Variants in GALNT8 observed in about 807,000 individuals in gnomAD.
GALNT8 encodes the protein probable polypeptide N-acetylgalactosaminyltransferase 8.
In GALNT8, 66 loss-of-function variants were observed where a neutral mutation model predicts 62.7. That is an observed-to-expected ratio of 1.05 (90% CI 0.86 to 1.29). The LOEUF (loss-of-function observed/expected upper bound fraction) is 1.29. GALNT8 is among the 50% of genes most tolerant of loss of function. GALNT8 has a pLI of 0.00. For synonymous variants in GALNT8, 288 were observed against 294.3 expected (o/e 0.98, Z 0.22); for missense variants, 771 against 791.8 (o/e 0.97, Z 0.32).
At chr12:4,720,967 G>C in intron 1 of GALNT8, 79 bp downstream of exon 1, 3 of 828,532 alleles carry the variant, frequency 3.6e-6, no homozygotes, top group Non-Finnish European at 6.2e-6. Context: ...GGATATGGAA[G>C]GAAAAATGGG....
chr12:4,746,104 CT>C (rs1386921028), intron 5 of GALNT8, 39 bp from the exon 6 acceptor site: 1 of 1,204,078 alleles, frequency 8.3e-7, no homozygotes, highest in South Asian at 1.2e-5. Context: ...GCCTCCGCTC[CT>C]TATGGAGAGA....
intron 6 of GALNT8, among the ~76,000 whole-genome samples, chr12:4,753,896 G>A (rs1946332809): frequency 6.6e-6 from 1 of 152,174 alleles, no homozygotes; most frequent in Non-Finnish European, 1.5e-5. Context: ...GCTTTAGGGG[G>A]CACCCCAAGC....
intron 6 of GALNT8, among the ~76,000 whole-genome samples, chr12:4,756,222 G>T (rs1258371608): frequency 6.6e-6 from 1 of 152,170 alleles, no homozygotes; most frequent in Non-Finnish European, 1.5e-5. Flanking sequence ...GGGGGTTTGT[G>T]ATTGTTCTTG....
chr12:4,744,656 C>G lies in GALNT8; in HGVS notation c.816C>G (p.Asp272Glu). ...CTGGCTGGGAAGCTGCCACAGCAGA[C>G]GTGGTCGCCATCTTGGATGCTCACA... ...RNTGWEAATA[D>E]VVAILDAHIE... Residue 272 changes from aspartate to glutamate, a missense_variant, in exon 4 of 11, where the codon GAC (aspartate) becomes GAG (glutamate). Coordinates refer to ENST00000252318, the MANE Select transcript of GALNT8 (RefSeq NM_017417.2). 1 of 1,613,320 alleles carries G rather than the reference C, an allele frequency of 6.2e-7. No individual in the cohort carries two copies. Among genetic ancestry groups the G allele is most frequent in the Non-Finnish European group, 8.5e-7 (1 of 1,179,698 alleles).
At chr12:4,760,896 T>A (rs973225701) in intron 6 of GALNT8, 62 bp from the exon 7 acceptor site, 2 of 1,397,234 alleles carry the variant, frequency 1.4e-6, no homozygotes, top group Non-Finnish European at 2.0e-6. Context: ...TCTTCTTGTG[T>A]CAATAAGCTA....
intron 6 of GALNT8, among the ~76,000 whole-genome samples, chr12:4,757,170 T>A (rs1399897878): frequency 6.6e-6 from 1 of 152,212 alleles, no homozygotes; most frequent in Non-Finnish European, 1.5e-5. Context: ...TGTGAGTCAA[T>A]GAAACCTCTT....
intron 2 of GALNT8, among the ~76,000 whole-genome samples, chr12:4,727,320 C>T (rs1260866258): frequency 2.0e-5 from 3 of 151,664 alleles, no homozygotes; most frequent in Admixed American, 2.0e-4. Flanking sequence ...GTGTCTCCCA[C>T]CCTCCTTCAT....
intron 3 of GALNT8, among the ~76,000 whole-genome samples, chr12:4,742,654 AGGCTCGGATTG>A (rs1168026422): frequency 4.6e-5 from 7 of 152,158 alleles, no homozygotes; most frequent in Non-Finnish European, 7.4e-5. Flanking sequence ...TGGAGGAGGC[AGGCTCGGATTG>A]GGACTTGAAG....
chr12:4,769,909 C>T (rs1946415427), intron 10 of GALNT8, among the ~76,000 whole-genome samples: 1 of 151,810 alleles, frequency 6.6e-6, no homozygotes. Flanking sequence ...AAATGTTTTC[C>T]AAGTTAAAAA....
chr12:4,767,872 G>A (rs893795864), intron 10 of GALNT8, among the ~76,000 whole-genome samples: 1 of 152,100 alleles, frequency 6.6e-6, no homozygotes, highest in East Asian at 1.9e-4. Context: ...CATGGTACTC[G>A]GTGCAAAGGA....
intron 1 of GALNT8, among the ~76,000 whole-genome samples, chr12:4,725,060 C>T (rs1186663427): frequency 1.3e-5 from 2 of 152,168 alleles, no homozygotes; most frequent in African/African-American, 2.4e-5. Context: ...ACAGGCTACA[C>T]GTGATCCTGT....
chr12:4,772,524 T>C lies in GALNT8; in HGVS notation c.1841T>C (p.Leu614Pro), dbSNP rs756501168. 5.6e-6 allele frequency: 9 copies of C among 1,613,916 alleles called. 1 individual carries two copies. The highest frequency in any genetic ancestry group is 7.6e-6 in the Non-Finnish European group (9 of 1,179,786). The change falls in exon 11 of 11, where the codon CTC becomes CCC. Residue 614 changes from leucine (L) to proline (P), a missense_variant. Coordinates refer to ENST00000252318, the MANE Select transcript of GALNT8 (RefSeq NM_017417.2). ...CTTTTGGGTAGCCACGTGCTTGTGC[T>C]CCAGACCTGTAGCACGCAAGTGTGG... ...KDLLGSHVLV[L>P]QTCSTQVWEI...
intron 1 of GALNT8, 149 bp downstream of exon 1, chr12:4,721,037 C>A: frequency 1.6e-6 from 1 of 629,046 alleles, no homozygotes; most frequent in African/African-American, 1.8e-5. Context: ...AATTCTGTGC[C>A]TTCAAATGGG....
At chr12:4,734,796 CACT>C (rs1334896784) in intron 2 of GALNT8, among the ~76,000 whole-genome samples, 2 of 152,120 alleles carry the variant, frequency 1.3e-5, no homozygotes, top group Non-Finnish European at 2.9e-5. Context: ...TATCTCTTGG[CACT>C]ACTACTAAGC....
At chr12:4,764,763 A>G (rs1040572339) in intron 9 of GALNT8, among the ~76,000 whole-genome samples, 1 of 150,364 alleles carries the variant, frequency 6.7e-6, no homozygotes, top group South Asian at 2.1e-4. Flanking sequence ...CATGTTAGCC[A>G]GGATGGTCTC....
In GALNT8 at chr12:4,749,143, A is replaced by G. The variant is rs1452113191; in HGVS notation, c.1173+2885A>G. On this transcript the variant is annotated intron_variant, in intron 6 of 10. Coordinates refer to ENST00000252318, the MANE Select transcript of GALNT8 (RefSeq NM_017417.2). The surrounding 1 kb of genome is among the most constrained non-coding windows in gnomAD (Gnocchi z 4.1). ...TGTTTTTCCAATATAAGATTATGTC[A>G]TCTGCAAACAAGGGTAACTTGAACT... Among the ~76,000 whole-genome samples, 1 of 152,126 alleles carries G rather than the reference A, an allele frequency of 6.6e-6. No individual in the cohort carries two copies. Among genetic ancestry groups the G allele is most frequent in the Non-Finnish European group, 1.5e-5 (1 of 68,004 alleles).
rs768521520 is a variant in GALNT8 at position 4,720,857 on chromosome 12, C to G, written c.180C>G (p.Leu60=). The G allele has an allele frequency of 3.1e-6, 5 of 1,607,446 alleles. No homozygotes were observed. The African/African-American group carries it at 5.4e-5, about 17-fold the overall frequency. ...NKRYGAVIKR[L]SHLEVELQDL... is the part of the protein sequence containing the mutation. Reference sequence around the variant, plus strand: ...GCTACGGGGCAGTGATAAAGAGACTCTCCCACTTGGAGGTGGAATTGCAGG... The same window carrying G: ...GCTACGGGGCAGTGATAAAGAGACTGTCCCACTTGGAGGTGGAATTGCAGG... Residue 60 remains leucine (L), a synonymous_variant, in exon 1 of 11, where the codon CTC becomes CTG. Transcript: ENST00000252318.
At position 4,739,797 on chromosome 12, in the gene GALNT8, T is replaced by C. The variant is rs111978187; in HGVS notation, c.676+468T>C. Among the ~76,000 whole-genome samples the C allele has an allele frequency of 5.3e-3, 799 of 152,078 alleles. 4 individuals are homozygous for C. The highest frequency in any genetic ancestry group is 0.018 in the African/African-American group (761 of 41,462). On this transcript the variant is annotated intron_variant, in intron 3 of 10. Transcript: ENST00000252318. ...CTCCTGCCTCAGCCTCCCGAGTAGCTGGGACTACAGGCACCTACCACCTCA... is the reference window on the plus strand; with the variant it reads ...CTCCTGCCTCAGCCTCCCGAGTAGCCGGGACTACAGGCACCTACCACCTCA...
At chr12:4,741,706 G>A (rs1386193965) in intron 3 of GALNT8, among the ~76,000 whole-genome samples, 1 of 152,094 alleles carries the variant, frequency 6.6e-6, no homozygotes, top group East Asian at 1.9e-4. Flanking sequence ...TACAAACACG[G>A]GGTAGACACA....
Sources: allele counts gnomAD v4.1 joint callset (sites outside exome capture counted in the v4.1 genomes callset), GRCh38; gene constraint gnomAD v4.1.1; non-coding constraint Gnocchi (gnomAD v3.1); transcripts MANE v1.5; gene names NCBI Gene and HGNC (gene_info 2026-07-23, HGNC 2026-07-21).